Variants in PPFIBP2 observed in about 807,000 individuals in gnomAD.
The protein encoded by PPFIBP2 is PPFIB scaffold protein 2, also known as liprin-beta-2.
Under a neutral mutation model 118.3 loss-of-function variants are expected in PPFIBP2, and 118 were observed. That is an observed-to-expected ratio of 1.00 (90% CI 0.86 to 1.16). The LOEUF (loss-of-function observed/expected upper bound fraction) is 1.16, where lower values mean the gene tolerates loss of function less well. Ranked by LOEUF, PPFIBP2 falls within the 50% of genes most tolerant of loss-of-function variation. The pLI, the probability that PPFIBP2 is intolerant of heterozygous loss-of-function variation, is 0.00. For missense variants in PPFIBP2, 1,195 were observed against 1,073.1 expected, an observed-to-expected ratio of 1.11 and a Z score of -1.59; for synonymous variants, 414 against 397.4, an observed-to-expected ratio of 1.04 and a Z score of -0.50.
chr11:7,647,407 T>A (rs941931972), intron 17 of PPFIBP2, among the ~76,000 whole-genome samples: 3 of 152,178 alleles, frequency 2.0e-5, no homozygotes, highest in African/African-American at 7.2e-5. Flanking sequence ...AGGAACATAA[T>A]CTAGCTTTTC....
At chr11:7,517,597 G>A (rs1340637223) in intron 1 of PPFIBP2, among the ~76,000 whole-genome samples, 1 of 66,870 alleles carries the variant, frequency 1.5e-5, no homozygotes, top group Non-Finnish European at 3.2e-5. Flanking sequence ...GAAAAAGTGA[G>A]TGAAGGAAAA....
At chr11:7,541,736 A>C (rs974607772) in intron 1 of PPFIBP2, among the ~76,000 whole-genome samples, 2 of 152,126 alleles carry the variant, frequency 1.3e-5, no homozygotes, top group Non-Finnish European at 2.9e-5. Flanking sequence ...CCAAATGGCT[A>C]CTCAGCGTAA....
At chr11:7,644,317 T>G (rs1377835836) in intron 17 of PPFIBP2, among the ~76,000 whole-genome samples, 1 of 152,224 alleles carries the variant, frequency 6.6e-6, no homozygotes, top group Admixed American at 6.5e-5. Flanking sequence ...GTTTTAAATT[T>G]TTTTCTGTGA....
chr11:7,626,305 C>T (rs1849999377), intron 8 of PPFIBP2, among the ~76,000 whole-genome samples: 1 of 152,210 alleles, frequency 6.6e-6, no homozygotes, highest in Non-Finnish European at 1.5e-5. Context: ...CTGCCTGATG[C>T]CTGTATAAGG....
chr11:7,662,795 T>G, the PPFIBP2 span, among the ~76,000 whole-genome samples: 148 of 152,002 alleles, frequency 9.7e-4, no homozygotes, highest in African/African-American at 3.4e-3. Context: ...CAATCAGACA[T>G]AGATTTGGTC....
At chr11:7,564,760 G>C (rs1186570382) in intron 2 of PPFIBP2, among the ~76,000 whole-genome samples, 1 of 152,192 alleles carries the variant, frequency 6.6e-6, no homozygotes, top group Non-Finnish European at 1.5e-5. Context: ...AGAAAGGTGG[G>C]GCTGTCTTTC....
intron 5 of PPFIBP2, among the ~76,000 whole-genome samples, chr11:7,607,079 T>G (rs1171687236): frequency 3.3e-5 from 5 of 150,466 alleles, no homozygotes; most frequent in African/African-American, 1.2e-4. Flanking sequence ...CCTGGCTAAT[T>G]TTTTGTATTT....
rs571210343 is a variant in PPFIBP2, at chr11:7,603,377, A to G, written c.486+5704A>G. Reference sequence around the variant, plus strand: ...TTAGTGAGGACTGAGCCTGGCCTCAAACTCGAGTTGACTACAAGCACCTCT... The same window carrying G: ...TTAGTGAGGACTGAGCCTGGCCTCAGACTCGAGTTGACTACAAGCACCTCT... On this transcript the variant is annotated intron_variant, in intron 5 of 23. Transcript: ENST00000299492. Among the ~76,000 whole-genome samples the G allele has an allele frequency of 1.5e-4, 23 of 152,340 alleles. No individual in the cohort carries two copies. In the East Asian group the frequency reaches 4.0e-3, roughly 27 times the overall value.
downstream of PPFIBP2, among the ~76,000 whole-genome samples, chr11:7,656,272 T>G (rs1376974766): frequency 2.6e-5 from 4 of 152,232 alleles, no homozygotes; most frequent in East Asian, 5.8e-4. Flanking sequence ...TTGGCTATAG[T>G]GTCTGTCCCC....
intron 7 of PPFIBP2, among the ~76,000 whole-genome samples, chr11:7,624,354 G>A (rs1849706088): frequency 6.6e-6 from 1 of 152,228 alleles, no homozygotes; most frequent in Non-Finnish European, 1.5e-5. Context: ...GGTTGCTTGT[G>A]AGGATTTGAT....
At position 7,549,474 on chromosome 11, in the gene PPFIBP2, T is replaced by A; in HGVS notation, c.-2T>A. On this transcript the variant is annotated 5_prime_UTR_variant, in exon 2 of 24. Transcript: ENST00000299492. The stretch of plus-strand genomic sequence containing the variant: ...GAGGAGGCCAGGCAGGCAAAAGGAG[T>A]CATGGCTTCTGATGCTAGTCATGCG... 1 of 1,559,312 alleles carries A rather than the reference T, an allele frequency of 6.4e-7. No individual in the cohort carries two copies. Among genetic ancestry groups the A allele is most frequent in the South Asian group, 1.2e-5 (1 of 84,328 alleles).
At chr11:7,602,777 A>T (rs946011848) in intron 5 of PPFIBP2, among the ~76,000 whole-genome samples, 2 of 151,876 alleles carry the variant, frequency 1.3e-5, no homozygotes, top group South Asian at 2.1e-4. Context: ...AGGCAACTTC[A>T]TTTTTTTTAC....
chr11:7,664,404 TAATACTCTGTGATGGA>T, the PPFIBP2 span, among the ~76,000 whole-genome samples: 1,272 of 152,258 alleles, frequency 8.4e-3, 7 homozygotes, highest in Non-Finnish European at 0.013. Flanking sequence ...TTGGGCTGCG[TAATACTCTGTGATGGA>T]AATACTCTGT....
intron 2 of PPFIBP2, 118 bp from the exon 3 acceptor site, chr11:7,565,435 T>A: frequency 9.6e-7 from 1 of 1,044,444 alleles, no homozygotes; most frequent in Non-Finnish European, 1.5e-6. Flanking sequence ...CATGCCCAGC[T>A]CACCCCCAGC....
chr11:7,653,685 T>C lies in PPFIBP2; in HGVS notation c.*467T>C, dbSNP rs1854407251. On this transcript the variant is annotated 3_prime_UTR_variant, in exon 24 of 24. Coordinates refer to ENST00000299492, the MANE Select transcript of PPFIBP2 (RefSeq NM_003621.5). ...ACAGGGACTTCTGCCACAGTGACAA[T>C]GGAATTGTGTTGTGCCTTACTTCAG... The C allele has an allele frequency of 7.8e-7, 1 of 1,287,060 alleles. No homozygotes were observed. The highest frequency in any genetic ancestry group is 1.5e-5 in the African/African-American group (1 of 65,880). The allele number at this position is 1,287,060 out of a possible 1,614,324, so 79.7% of individuals were successfully genotyped here.
Position 7,597,436 on chromosome 11 carries a change from A to G in PPFIBP2, c.373-124A>G, listed in dbSNP as rs1860548236. The G allele has an allele frequency of 2.6e-6, 4 of 1,540,224 alleles. No individual in the cohort carries two copies. The East Asian group carries it at 9.8e-5, about 38-fold the overall frequency. ...TTCCTCCACCTGCCACTCAGCAAAA[A>G]TCAAAATCGTTCACTGTGTGTAAGA... On this transcript the variant is annotated intron_variant, in intron 4 of 23. Coordinates refer to ENST00000299492, the MANE Select transcript of PPFIBP2 (RefSeq NM_003621.5).
intron 3 of PPFIBP2, among the ~76,000 whole-genome samples, chr11:7,592,464 T>C (rs747311509): frequency 5.3e-5 from 8 of 151,178 alleles, no homozygotes; most frequent in Non-Finnish European, 1.0e-4. Context: ...TAAGTTCTTC[T>C]CAAGATGTTT....
At chr11:7,566,477 G>A (rs1184092357) in intron 3 of PPFIBP2, among the ~76,000 whole-genome samples, 1 of 151,904 alleles carries the variant, frequency 6.6e-6, no homozygotes, top group East Asian at 1.9e-4. Flanking sequence ...CCCAACTCTT[G>A]CTCCCAGAAG....
intron 2 of PPFIBP2, among the ~76,000 whole-genome samples, chr11:7,553,229 A>T (rs953222954): frequency 1.2e-3 from 185 of 151,630 alleles, no homozygotes; most frequent in African/African-American, 4.1e-3. Context: ...AATTATTATT[A>T]TTTTTTTTGA....
Sources: gnomAD v4.1 joint callset for allele counts (sites outside exome capture counted in the v4.1 genomes callset) on GRCh38, gnomAD v4.1.1 for gene constraint, MANE v1.5 for transcripts, NCBI Gene and HGNC (gene_info 2026-07-23, HGNC 2026-07-21) for gene names.